Variants in HHAT observed in about 807,000 individuals in gnomAD.
HHAT encodes the protein hedgehog acyltransferase.
In HHAT, 47 loss-of-function variants were observed where a neutral mutation model predicts 70.8. The ratio of observed to expected loss-of-function variants is 0.66; its 90% CI spans 0.53 to 0.85. HHAT has a LOEUF of 0.85. HHAT is among the 40% of genes least tolerant of loss of function. The probability of loss-of-function intolerance (pLI) is 0.00; values close to 1 mark genes in which losing one functional copy is unlikely to be tolerated. For missense variants in HHAT, 609 were observed against 604.8 expected, an observed-to-expected ratio of 1.01 and a Z score of -0.07; for synonymous variants, 228 against 247.6, an observed-to-expected ratio of 0.92 and a Z score of 0.74.
At chr1:210,450,211 A>C (rs1380596033) in intron 7 of HHAT, among the ~76,000 whole-genome samples, 4 of 151,582 alleles carry the variant, frequency 2.6e-5, no homozygotes, top group Non-Finnish European at 5.9e-5. Context: ...GAATTGCTTC[A>C]ACCTGGGAGG....
At chr1:210,643,701 A>AT (rs1673421770) in intron 11 of HHAT, among the ~76,000 whole-genome samples, 1 of 149,910 alleles carries the variant, frequency 6.7e-6, no homozygotes, top group Admixed American at 6.6e-5. Context: ...CTTTCAGTAG[A>AT]TTCATTTTTT....
At chr1:210,441,814 GTATA>G (rs201142797) in intron 7 of HHAT, among the ~76,000 whole-genome samples, 31 of 151,676 alleles carry the variant, frequency 2.0e-4, no homozygotes, top group Admixed American at 3.9e-4. Flanking sequence ...ATGTGTATAT[GTATA>G]TATATGTACA....
At chr1:210,619,458 C>G (rs898597326) in intron 10 of HHAT, among the ~76,000 whole-genome samples, 1 of 152,116 alleles carries the variant, frequency 6.6e-6, no homozygotes, top group Non-Finnish European at 1.5e-5. Context: ...GGAACATTCC[C>G]TGCCCTGGGA....
intron 6 of HHAT, among the ~76,000 whole-genome samples, chr1:210,410,247 G>A (rs1458336299): frequency 2.6e-5 from 4 of 151,148 alleles, no homozygotes; most frequent in East Asian, 2.0e-4. Context: ...TAGTAGAGAC[G>A]AGGTTTCATC....
At chr1:210,416,805 G>A (rs1274785412) in intron 6 of HHAT, among the ~76,000 whole-genome samples, 1 of 152,186 alleles carries the variant, frequency 6.6e-6, no homozygotes, top group Non-Finnish European at 1.5e-5. Flanking sequence ...ACACATGGAG[G>A]CGGTTAATGA....
chr1:210,439,565 T>C (rs904815129), intron 7 of HHAT: 1 of 151,920 alleles, frequency 6.6e-6, no homozygotes, highest in African/African-American at 2.4e-5. Flanking sequence ...CATATATAGG[T>C]CAGAGTTTTG....
chr1:210,512,504 C>T (rs1339887504), intron 8 of HHAT, among the ~76,000 whole-genome samples: 1 of 151,602 alleles, frequency 6.6e-6, no homozygotes, highest in Non-Finnish European at 1.5e-5. Flanking sequence ...GACTATGTCT[C>T]TACTAAAAAA....
chr1:210,511,349 T>C (rs1317657813), intron 8 of HHAT, among the ~76,000 whole-genome samples: 1 of 152,228 alleles, frequency 6.6e-6, no homozygotes, highest in African/African-American at 2.4e-5. Flanking sequence ...ATGAGGTCTG[T>C]CATGTTTTGG....
chr1:210,433,149 A>G lies in HHAT; in HGVS notation c.856+14824A>G, dbSNP rs148909210. On this transcript the variant is annotated intron_variant, in intron 7 of 11. Transcript: ENST00000261458. ...GGGTAACATTCTACCCTGTCCAGGAATGACCCCCTCTGAACACCCCAAGCT... is the reference window on the plus strand; with the variant it reads ...GGGTAACATTCTACCCTGTCCAGGAGTGACCCCCTCTGAACACCCCAAGCT... Among the ~76,000 whole-genome samples the G allele has an allele frequency of 2.0e-3, 301 of 151,866 alleles. 2 individuals carry two copies. The highest frequency in any genetic ancestry group is 6.8e-3 in the Middle Eastern group (2 of 294).
At chr1:210,648,518 G>A (rs1446209612) in intron 11 of HHAT, among the ~76,000 whole-genome samples, 3 of 152,202 alleles carry the variant, frequency 2.0e-5, no homozygotes, top group Admixed American at 1.3e-4. Context: ...CTCTTCTGCT[G>A]TTGCACAGGT....
intron 11 of HHAT, among the ~76,000 whole-genome samples, chr1:210,653,991 C>CA (rs1182972434): frequency 0.17 from 3 of 18 alleles, no homozygotes; most frequent in Non-Finnish European, 0.25. Flanking sequence ...AATAGTGTGA[C>CA]GGGAATAGTG....
At chr1:210,637,877 G>A (rs112922836) in intron 11 of HHAT, among the ~76,000 whole-genome samples, 3 of 149,894 alleles carry the variant, frequency 2.0e-5, no homozygotes, top group Non-Finnish European at 4.4e-5. Context: ...AAAAAGGGGG[G>A]GGCAAAGGAC....
chr1:210,488,991 G>A (rs2094512964), intron 8 of HHAT, among the ~76,000 whole-genome samples: 1 of 152,150 alleles, frequency 6.6e-6, no homozygotes, highest in African/African-American at 2.4e-5. Flanking sequence ...AGTGAGAAAG[G>A]AACTTTCCAT....
chr1:210,536,239 C>T (rs570855180), intron 9 of HHAT, among the ~76,000 whole-genome samples: 1 of 152,240 alleles, frequency 6.6e-6, no homozygotes, highest in African/African-American at 2.4e-5. Context: ...CCCATTCTAG[C>T]ACACAGAATT....
intron 11 of HHAT, among the ~76,000 whole-genome samples, chr1:210,628,581 C>A (rs964977205): frequency 6.6e-6 from 1 of 152,322 alleles, no homozygotes; most frequent in Non-Finnish European, 1.5e-5. Context: ...CCTGGAGTGA[C>A]CCCATGCCAA....
At chr1:210,653,396 C>T (rs1228491636) in intron 11 of HHAT, among the ~76,000 whole-genome samples, 2 of 152,030 alleles carry the variant, frequency 1.3e-5, no homozygotes, top group East Asian at 3.9e-4. Context: ...ATGGTGCATC[C>T]CTGTGCTCCC....
intron 2 of HHAT, among the ~76,000 whole-genome samples, chr1:210,352,368 A>G (rs896657222): frequency 3.9e-5 from 6 of 152,198 alleles, no homozygotes; most frequent in Admixed American, 6.5e-5. Context: ...AGTATGTTCA[A>G]CTGATACAAT....
chr1:210,479,634 T>C (rs2094360999), intron 8 of HHAT, among the ~76,000 whole-genome samples: 1 of 152,248 alleles, frequency 6.6e-6, no homozygotes. Context: ...TGTTGGTTTC[T>C]GTAACAGTTT....
At chr1:210,470,921 A>G (rs1306334492) in intron 8 of HHAT, among the ~76,000 whole-genome samples, 1 of 152,152 alleles carries the variant, frequency 6.6e-6, no homozygotes. Context: ...TGGAGCTGGA[A>G]CCCTGTACCT....
Sources: gnomAD v4.1 joint callset for allele counts (sites outside exome capture counted in the v4.1 genomes callset) on GRCh38, gnomAD v4.1.1 for gene constraint, MANE v1.5 for transcripts, NCBI Gene and HGNC (gene_info 2026-07-23, HGNC 2026-07-21) for gene names.